The following CCNH variants were observed in gnomAD, a reference collection of about 807,000 sequenced individuals.
The protein encoded by CCNH is cyclin H.
A neutral mutation model predicts 41.9 loss-of-function variants in CCNH; 31 were observed. The ratio of observed to expected loss-of-function variants is 0.74; its 90% CI spans 0.56 to 1.00. The LOEUF is 1.00. Ranked by LOEUF, CCNH falls within the 50% of genes least tolerant of loss-of-function variation. The pLI is 0.00. For missense variants in CCNH, 362 were observed against 388.4 expected, an observed-to-expected ratio of 0.93 and a Z score of 0.57; for synonymous variants, 138 against 136.1, an observed-to-expected ratio of 1.01 and a Z score of -0.10.
intron 9 of CCNH, among the ~76,000 whole-genome samples, chr5:87,360,433 C>A (rs1759998984): frequency 6.6e-6 from 1 of 152,158 alleles, no homozygotes; most frequent in African/African-American, 2.4e-5. Context: ...TTTGAAAACT[C>A]TGATGGCTCA....
chr5:87,362,722 T>C (rs371732638), intron 9 of CCNH: 3 of 1,567,312 alleles, frequency 1.9e-6, no homozygotes, highest in East Asian at 4.5e-5. Flanking sequence ...GTTGTAAATA[T>C]GGAGCTCCGA....
chr5:87,385,730 A>G (rs1360861991), intron 9 of CCNH, among the ~76,000 whole-genome samples: 3 of 152,020 alleles, frequency 2.0e-5, no homozygotes, highest in Admixed American at 1.3e-4. Flanking sequence ...AAAACTCAAG[A>G]TTTTATTTTT....
At chr5:87,389,602 C>G, downstream of CCNH, 1 of 1,555,702 alleles carries the variant, frequency 6.4e-7, no homozygotes, top group Non-Finnish European at 8.8e-7. Flanking sequence ...TAGCTGAATT[C>G]TGGTTAACAT....
At chr5:87,325,529 T>C (rs1428956799) in intron 9 of CCNH, among the ~76,000 whole-genome samples, 1 of 152,200 alleles carries the variant, frequency 6.6e-6, no homozygotes, top group East Asian at 1.9e-4. Flanking sequence ...CTTCAGAAGT[T>C]TGTAGTATGA....
At chr5:87,411,044 G>A (rs1764192736) in intron 2 of CCNH, among the ~76,000 whole-genome samples, 180 bp downstream of exon 2, 1 of 152,062 alleles carries the variant, frequency 6.6e-6, no homozygotes, top group Admixed American at 6.5e-5. Context: ...AAATACTTTT[G>A]AAGATATGAT....
chr5:87,374,900 C>T, downstream of CCNH: 1 of 1,605,964 alleles, frequency 6.2e-7, no homozygotes, highest in African/African-American at 1.3e-5. Flanking sequence ...CAAAGAAAAG[C>T]AAAGATCCTG....
chr5:87,325,541 C>G (rs1181980626), intron 9 of CCNH, among the ~76,000 whole-genome samples: 1 of 152,186 alleles, frequency 6.6e-6, no homozygotes, highest in Non-Finnish European at 1.5e-5. Flanking sequence ...GTAGTATGAT[C>G]AGGCACACAG....
At chr5:87,383,818 T>C in intron 9 of CCNH, 1 of 1,521,988 alleles carries the variant, frequency 6.6e-7, no homozygotes, top group Non-Finnish European at 9.1e-7. Flanking sequence ...TTCAAAATAT[T>C]AGAATTAACA....
At chr5:87,375,988 C>G (rs1761298905), downstream of CCNH, among the ~76,000 whole-genome samples, 1 of 152,122 alleles carries the variant, frequency 6.6e-6, no homozygotes, top group Admixed American at 6.5e-5. Flanking sequence ...TTAGCTACAC[C>G]TCTAGATCTC....
At chr5:87,314,994 T>C (rs1485228607), downstream of CCNH, among the ~76,000 whole-genome samples, 1 of 152,228 alleles carries the variant, frequency 6.6e-6, no homozygotes, top group Non-Finnish European at 1.5e-5. Flanking sequence ...TTACACCTTT[T>C]TGAGGGCATT....
At chr5:87,367,522 TTGCACAGCTG>T (rs1760613713) in intron 9 of CCNH, among the ~76,000 whole-genome samples, 1 of 152,184 alleles carries the variant, frequency 6.6e-6, no homozygotes. Flanking sequence ...ATGGCTTTAG[TTGCACAGCTG>T]TGCAATTTTT....
chr5:87,349,239 G>GAGGCCCTCAGATAAT lies in CCNH; in HGVS notation c.*91-30357_*91-30343dup. On this transcript the variant is annotated intron_variant and NMD_transcript_variant, in intron 9 of 9. Transcript: ENST00000645953. ...TTGGTCAAGTCTGCAGTTTTCTTGT[G>GAGGCCCTCAGATAAT]AGGCCCTCAGATAATACTCCTGGCG... The GAGGCCCTCAGATAAT allele has an allele frequency of 6.2e-7, 1 of 1,611,956 alleles. No individual in the cohort carries two copies. The highest frequency in any genetic ancestry group is 8.5e-7 in the Non-Finnish European group (1 of 1,178,614).
chr5:87,411,152 A>AG, intron 2 of CCNH, 72 bp downstream of exon 2: 1 of 1,452,266 alleles, frequency 6.9e-7, no homozygotes, highest in South Asian at 1.5e-5. Flanking sequence ...TTGAGTGGAC[A>AG]GGGAATTTAG....
chr5:87,350,166 C>A (rs1016104013), intron 9 of CCNH, among the ~76,000 whole-genome samples: 2 of 151,512 alleles, frequency 1.3e-5, no homozygotes, highest in South Asian at 4.1e-4. Context: ...TGAAAAAAAC[C>A]AAAAAACAAA....
At chr5:87,312,507 G>T in the CCNH span, among the ~76,000 whole-genome samples, 1 of 152,142 alleles carries the variant, frequency 6.6e-6, no homozygotes, top group East Asian at 1.9e-4. Context: ...AATATTGACA[G>T]CTATAACCTA....
chr5:87,403,589 G>A (rs1763574768), intron 5 of CCNH, among the ~76,000 whole-genome samples: 1 of 152,132 alleles, frequency 6.6e-6, no homozygotes, highest in Admixed American at 6.5e-5. Flanking sequence ...GATGAGCCTA[G>A]GCAGCATAGG....
chr5:87,406,664 T>G (rs1763814023), intron 4 of CCNH, among the ~76,000 whole-genome samples: 1 of 151,796 alleles, frequency 6.6e-6, no homozygotes, highest in African/African-American at 2.4e-5. Flanking sequence ...TAATCCCAAG[T>G]ACTTTTAGTC....
Position 87,409,314 on chromosome 5 carries a change from A to G in CCNH, c.290T>C (p.Met97Thr). 6.3e-7 allele frequency: 1 copy of G among 1,575,014 alleles called. No individual in the cohort carries two copies. Among genetic ancestry groups the G allele is most frequent in the Non-Finnish European group, 8.7e-7 (1 of 1,145,502 alleles). Residue 97 changes from methionine (M) to threonine (T), a missense_variant, in exon 3 of 9, where the codon ATG becomes ACG. By Grantham distance (81) the Met-to-Thr change is moderately conservative. Transcript: ENST00000256897. The stretch of plus-strand genomic sequence containing the variant: ...CATTATTATCCTGGGGTGATATTCC[A>G]TTACTGAGTTATTAAGATAAAAACG... ...FKRFYLNNSV[M>T]EYHPRIIMLT... is the part of the protein sequence containing the mutation.
intron 9 of CCNH, among the ~76,000 whole-genome samples, chr5:87,348,659 G>A (rs1437354548): frequency 6.7e-6 from 1 of 149,042 alleles, no homozygotes; most frequent in Non-Finnish European, 1.5e-5. Context: ...TTTTTAAGAT[G>A]CAGGATCTTG....
Sources: allele counts gnomAD v4.1 joint callset (sites outside exome capture counted in the v4.1 genomes callset), GRCh38; gene constraint gnomAD v4.1.1; transcripts MANE v1.5; gene names NCBI Gene and HGNC (gene_info 2026-07-23, HGNC 2026-07-21).